SCTR: variants seen among roughly 807,000 people sequenced by gnomAD.
The protein encoded by SCTR is secretin receptor.
In SCTR, 56 loss-of-function variants were observed where a neutral mutation model predicts 60.8. The observed-to-expected ratio is 0.92, with a 90% CI of 0.74 to 1.15. The LOEUF is 1.15. SCTR is among the 50% of genes most tolerant of loss of function. SCTR has a pLI of 0.00. For synonymous variants in SCTR, 202 were observed against 217.0 expected (o/e 0.93, Z 0.61); for missense variants, 562 against 550.4 (o/e 1.02, Z -0.21).
rs567347249 is a variant in SCTR, at chr2:119,450,823, G to A, written c.921+1187C>T. ...CATCTCTACAAAAAATTAGCTAGGC[G>A]TGGTGGTGGGAGCCTTTAGTCCCAG... On this transcript the variant is annotated intron_variant, in intron 9 of 12. Transcript: ENST00000019103. Among the ~76,000 whole-genome samples the A allele has an allele frequency of 1.3e-3, 201 of 152,234 alleles. 2 individuals carry two copies. The highest frequency in any genetic ancestry group is 2.2e-3 in the Non-Finnish European group (148 of 68,026).
chr2:119,481,071 C>A lies in SCTR; in HGVS notation c.194-2153G>T, dbSNP rs577362049. Reference sequence around the variant, plus strand: ...CCAGAGCAGGCACTGGGACTGGCAACCCCTTTCCCGCTGGCCTCCCCAGGC... The same window carrying A: ...CCAGAGCAGGCACTGGGACTGGCAAACCCTTTCCCGCTGGCCTCCCCAGGC... On this transcript the variant is annotated intron_variant, in intron 2 of 12. Coordinates refer to ENST00000019103, the MANE Select transcript of SCTR (RefSeq NM_002980.3). 2.6e-5 allele frequency among the ~76,000 whole-genome samples: 4 copies of A among 152,330 alleles called. No homozygotes were observed. The South Asian group carries it at 8.3e-4, about 32-fold the overall frequency.
intron 11 of SCTR, among the ~76,000 whole-genome samples, chr2:119,444,532 A>T (rs183427004): frequency 0.6 from 3,572 of 5,934 alleles, 1,381 homozygotes; most frequent in East Asian, 0.8. Context: ...TATACGTACG[A>T]ATATATATAC....
At position 119,448,684 on chromosome 2, in the gene SCTR, C is replaced by G. The variant is rs2104764650; in HGVS notation, c.1013+5G>C. On this transcript the variant is annotated splice_donor_5th_base_variant and intron_variant, in intron 10 of 12. Transcript: ENST00000019103. Reference sequence around the variant, plus strand: ...ACCATGCCTCAGTCTTTGCCCTTCACTTACTTATAATGGCTGACTTCATTT... The same window carrying G: ...ACCATGCCTCAGTCTTTGCCCTTCAGTTACTTATAATGGCTGACTTCATTT... 5 of 1,532,080 alleles carry G rather than the reference C, an allele frequency of 3.3e-6. No individual in the cohort carries two copies. Among genetic ancestry groups the G allele is most frequent in the Non-Finnish European group, 4.5e-6 (5 of 1,105,320 alleles). 94.9% of individuals were successfully genotyped at this position (1,532,080 alleles called of 1,614,324 possible). A position where few individuals can be genotyped will look rare whatever the true frequency, so the allele number is the denominator to read the frequency against.
At chr2:119,521,475 G>A (rs762415217) in intron 1 of SCTR, among the ~76,000 whole-genome samples, 8 of 152,142 alleles carry the variant, frequency 5.3e-5, no homozygotes, top group African/African-American at 9.7e-5. Flanking sequence ...AGATGTGTTA[G>A]TAAATAATTA....
At chr2:119,506,992 T>C (rs1288996931) in intron 1 of SCTR, among the ~76,000 whole-genome samples, 1 of 152,232 alleles carries the variant, frequency 6.6e-6, no homozygotes, top group Non-Finnish European at 1.5e-5. Flanking sequence ...TTTTGCAAGA[T>C]GTTACCATTG....
intron 4 of SCTR, among the ~76,000 whole-genome samples, chr2:119,470,695 G>T (rs1025911642): frequency 6.6e-6 from 1 of 152,124 alleles, no homozygotes. Context: ...AGTTCTCATT[G>T]TGTGGATGTT....
chr2:119,501,822 A>G (rs1678562692), intron 1 of SCTR, among the ~76,000 whole-genome samples: 1 of 152,354 alleles, frequency 6.6e-6, no homozygotes, highest in East Asian at 1.9e-4. Context: ...ATGACTGTCT[A>G]CATAGAAAAT....
At chr2:119,491,879 G>A (rs1277877537) in intron 2 of SCTR, among the ~76,000 whole-genome samples, 2 of 152,214 alleles carry the variant, frequency 1.3e-5, no homozygotes, top group Non-Finnish European at 2.9e-5. Flanking sequence ...GGCAAAGGCT[G>A]CCCACTGCCA....
At chr2:119,449,847 G>T (rs1683077319) in intron 9 of SCTR, among the ~76,000 whole-genome samples, 1 of 151,930 alleles carries the variant, frequency 6.6e-6, no homozygotes, top group African/African-American at 2.4e-5. Context: ...TTGTAAGCTG[G>T]CTATGCATGC....
intron 1 of SCTR, among the ~76,000 whole-genome samples, chr2:119,514,403 A>G (rs1037614734): frequency 6.6e-6 from 1 of 152,220 alleles, no homozygotes; most frequent in African/African-American, 2.4e-5. Context: ...GAGCATCCAT[A>G]TACTATCCTG....
At chr2:119,515,911 T>C (rs956624896) in intron 1 of SCTR, among the ~76,000 whole-genome samples, 9 of 152,164 alleles carry the variant, frequency 5.9e-5, no homozygotes, top group Non-Finnish European at 1.0e-4. Flanking sequence ...GGATGACCCT[T>C]GGTAGGATCC....
Position 119,444,374 on chromosome 2 carries a change from T to C in SCTR, c.1140+2385A>G, listed in dbSNP as rs555442709. Among the ~76,000 whole-genome samples, 27 of 148,098 alleles carry C rather than the reference T, an allele frequency of 1.8e-4. 4 individuals are homozygous for C. The highest frequency in any genetic ancestry group is 6.1e-4 in the African/African-American group (25 of 40,738). ...ACGTATGAATATATATACACATATATACGTATGAATATATATACACATATA... is the reference window on the plus strand; with the variant it reads ...ACGTATGAATATATATACACATATACACGTATGAATATATATACACATATA... On this transcript the variant is annotated intron_variant, in intron 11 of 12. Coordinates refer to ENST00000019103, the MANE Select transcript of SCTR (RefSeq NM_002980.3).
intron 7 of SCTR, 34 bp downstream of exon 7, chr2:119,461,813 A>G (rs1343426728): frequency 5.7e-6 from 9 of 1,579,886 alleles, no homozygotes; most frequent in Non-Finnish European, 7.8e-6. Flanking sequence ...CTTCCCACAT[A>G]CCATGCAGAT....
Position 119,462,557 on chromosome 2 carries a change from G to T in SCTR, c.637-557C>A, listed in dbSNP as rs555061521. ...GGATGTCATGGAGTTGGACTTCCCT[G>T]ATGCAGTGACTGACTCTTTTAACAG... On this transcript the variant is annotated intron_variant, in intron 6 of 12. Coordinates refer to ENST00000019103, the MANE Select transcript of SCTR (RefSeq NM_002980.3). Among the ~76,000 whole-genome samples, 13 of 152,360 alleles carry T rather than the reference G, an allele frequency of 8.5e-5. 1 individual carries two copies. In the South Asian group the frequency reaches 2.5e-3, roughly 29 times the overall value.
chr2:119,441,051 AGT>A (rs773769631), intron 12 of SCTR, among the ~76,000 whole-genome samples: 31 of 152,160 alleles, frequency 2.0e-4, no homozygotes, highest in Non-Finnish European at 3.8e-4. Flanking sequence ...CCTCAAAGTG[AGT>A]GTGCAGTCTC....
At chr2:119,488,792 T>A (rs1016681802) in intron 2 of SCTR, among the ~76,000 whole-genome samples, 5 of 152,166 alleles carry the variant, frequency 3.3e-5, no homozygotes, top group Admixed American at 1.3e-4. Flanking sequence ...TCACTTATTC[T>A]CCACAACAGC....
At chr2:119,492,507 C>T (rs530785263) in intron 2 of SCTR, among the ~76,000 whole-genome samples, 84 of 152,340 alleles carry the variant, frequency 5.5e-4, no homozygotes, top group African/African-American at 1.5e-3. Context: ...AGCCTGGGTT[C>T]TGTTTATTTT....
At chr2:119,470,964 G>T (rs1326616562) in intron 4 of SCTR, among the ~76,000 whole-genome samples, 1 of 152,236 alleles carries the variant, frequency 6.6e-6, no homozygotes, top group Non-Finnish European at 1.5e-5. Context: ...ACCTCCCAAA[G>T]TGGTGGGATT....
At chr2:119,450,113 A>T (rs1337811618) in intron 9 of SCTR, among the ~76,000 whole-genome samples, 2 of 150,754 alleles carry the variant, frequency 1.3e-5, no homozygotes, top group South Asian at 2.1e-4. Context: ...AAATGGAGGG[A>T]GGGAAGGAAG....
Sources: allele counts gnomAD v4.1 joint callset (sites outside exome capture counted in the v4.1 genomes callset), GRCh38; gene constraint gnomAD v4.1.1; transcripts MANE v1.5; gene names NCBI Gene and HGNC (gene_info 2026-07-23, HGNC 2026-07-21).